The following SEMA3E variants were observed in gnomAD, a reference collection of about 807,000 sequenced individuals.
SEMA3E encodes semaphorin-3E.
A neutral mutation model predicts 93.6 loss-of-function variants in SEMA3E; 49 were observed. The ratio of observed to expected loss-of-function variants is 0.52; its 90% CI spans 0.42 to 0.66. The LOEUF (loss-of-function observed/expected upper bound fraction) is 0.66, where lower values mean the gene tolerates loss of function less well. Among genes scored for constraint, SEMA3E ranks in the 30% least tolerant of loss-of-function variants. The pLI is 0.00. For missense variants in SEMA3E, 906 were observed against 964.8 expected (o/e 0.94, Z 0.81); for synonymous variants, 363 against 330.7 (o/e 1.10, Z -1.06).
chr7:83,542,562 G>T (rs1791558386), intron 1 of SEMA3E, among the ~76,000 whole-genome samples: 1 of 151,446 alleles, frequency 6.6e-6, no homozygotes, highest in Non-Finnish European at 1.5e-5. Flanking sequence ...TGCAGTATTT[G>T]AATAGTTGAC....
intron 1 of SEMA3E, among the ~76,000 whole-genome samples, chr7:83,584,411 T>C (rs192085598): frequency 1.4e-3 from 211 of 152,306 alleles, no homozygotes; most frequent in Non-Finnish European, 2.6e-3. Context: ...ATTTCCAAAT[T>C]AATGATTCAT....
chr7:83,609,494 T>C (rs1314272835), intron 1 of SEMA3E, among the ~76,000 whole-genome samples: 1 of 151,994 alleles, frequency 6.6e-6, no homozygotes, highest in Non-Finnish European at 1.5e-5. Context: ...TGAGATAGGC[T>C]CTTCCAAATA....
At chr7:83,623,505 T>C (rs1793607485) in intron 1 of SEMA3E, among the ~76,000 whole-genome samples, 1 of 152,126 alleles carries the variant, frequency 6.6e-6, no homozygotes, top group Non-Finnish European at 1.5e-5. Flanking sequence ...GTGAGATTCA[T>C]AAGTATACGT....
intron 1 of SEMA3E, among the ~76,000 whole-genome samples, chr7:83,539,866 T>TGTGTGTGC (rs1554336394): frequency 4.7e-5 from 7 of 148,800 alleles, no homozygotes; most frequent in East Asian, 4.0e-4. Flanking sequence ...TGTGTGTGTG[T>TGTGTGTGC]GTGTGTGTGT....
At chr7:83,466,974 T>C (rs1789775806) in intron 3 of SEMA3E, among the ~76,000 whole-genome samples, 1 of 151,792 alleles carries the variant, frequency 6.6e-6, no homozygotes, top group Non-Finnish European at 1.5e-5. Context: ...GTTTTTTAAG[T>C]ACAGTATAAA....
At chr7:83,450,665 T>C (rs1038096208) in intron 4 of SEMA3E, among the ~76,000 whole-genome samples, 1 of 152,106 alleles carries the variant, frequency 6.6e-6, no homozygotes, top group Admixed American at 6.6e-5. Context: ...AGATGCTGCT[T>C]AAATTGATGT....
chr7:83,582,237 T>A (rs1003140496), intron 1 of SEMA3E, among the ~76,000 whole-genome samples: 1 of 150,550 alleles, frequency 6.6e-6, no homozygotes, highest in African/African-American at 2.4e-5. Flanking sequence ...TAAAAATAAA[T>A]AGTAATATAT....
chr7:83,507,303 A>G (rs1423978478), intron 1 of SEMA3E, among the ~76,000 whole-genome samples: 2 of 152,124 alleles, frequency 1.3e-5, no homozygotes, highest in Non-Finnish European at 2.9e-5. Flanking sequence ...AGCCTCCACC[A>G]CTGGAAGGGA....
intron 1 of SEMA3E, among the ~76,000 whole-genome samples, chr7:83,575,990 G>T (rs1792394203): frequency 6.6e-6 from 1 of 152,102 alleles, no homozygotes; most frequent in African/African-American, 2.4e-5. Context: ...ACGATGTATT[G>T]TTACATTAGT....
At chr7:83,608,388 G>A (rs920848029) in intron 1 of SEMA3E, among the ~76,000 whole-genome samples, 2 of 151,856 alleles carry the variant, frequency 1.3e-5, no homozygotes, top group African/African-American at 2.4e-5. Context: ...AGCCTTAATA[G>A]GAATTTTTTA....
At chr7:83,571,931 C>T (rs1792295531) in intron 1 of SEMA3E, among the ~76,000 whole-genome samples, 1 of 152,040 alleles carries the variant, frequency 6.6e-6, no homozygotes, top group Non-Finnish European at 1.5e-5. Context: ...GCACCAAAAA[C>T]ATTCTAGATG....
intron 4 of SEMA3E, among the ~76,000 whole-genome samples, chr7:83,450,644 T>C (rs1279406190): frequency 6.6e-6 from 1 of 152,166 alleles, no homozygotes; most frequent in Admixed American, 6.5e-5. Flanking sequence ...TGGTGTTCTA[T>C]TTATTGATCT....
intron 2 of SEMA3E, among the ~76,000 whole-genome samples, chr7:83,469,950 T>A (rs1377716600): frequency 6.6e-6 from 1 of 151,982 alleles, no homozygotes; most frequent in African/African-American, 2.4e-5. Context: ...CCCACCCAGC[T>A]AATTTTTTTG....
At chr7:83,401,052 C>T (rs906991052) in intron 10 of SEMA3E, among the ~76,000 whole-genome samples, 14 of 152,102 alleles carry the variant, frequency 9.2e-5, no homozygotes, top group African/African-American at 3.4e-4. Context: ...GGCAAAAAGA[C>T]ACTCTCTGTT....
In SEMA3E at chr7:83,412,016, C is replaced by G. The variant is rs576393044; in HGVS notation, c.551-3529G>C. On this transcript the variant is annotated intron_variant, in intron 5 of 16. Coordinates refer to ENST00000643230, the MANE Select transcript of SEMA3E (RefSeq NM_012431.3). ...TCTAGCTCAAAATCTGCTGTTTGAC[C>G]ACCACAAACTGCTCAAAATCTCAAG... Among the ~76,000 whole-genome samples, 9 of 152,176 alleles carry G rather than the reference C, an allele frequency of 5.9e-5. No individual in the cohort carries two copies. The East Asian group carries it at 1.7e-3, about 29-fold the overall frequency.
At chr7:83,539,860 T>TGTGTGTGTGTGC (rs1450547766) in intron 1 of SEMA3E, among the ~76,000 whole-genome samples, 1 of 131,990 alleles carries the variant, frequency 7.6e-6, no homozygotes, top group African/African-American at 2.7e-5. Flanking sequence ...TGTTTCTGTG[T>TGTGTGTGTGTGC]GTGTGTGTGT....
At chr7:83,593,221 CCTCT>C (rs1036834220) in intron 1 of SEMA3E, among the ~76,000 whole-genome samples, 15 of 146,954 alleles carry the variant, frequency 1.0e-4, no homozygotes, top group East Asian at 2.0e-4. Flanking sequence ...ATCTCTGAAA[CCTCT>C]CTCTCTCTCT....
intron 1 of SEMA3E, among the ~76,000 whole-genome samples, chr7:83,618,078 G>C (rs1348892065): frequency 6.6e-6 from 1 of 152,104 alleles, no homozygotes; most frequent in Non-Finnish European, 1.5e-5. Context: ...GATGACAGAA[G>C]AGATGGCACC....
chr7:83,642,629 GCCTCC>G (rs1307712426), intron 1 of SEMA3E, among the ~76,000 whole-genome samples: 12 of 151,824 alleles, frequency 7.9e-5, no homozygotes, highest in African/African-American at 2.7e-4. Context: ...TTTCTCTTAT[GCCTCC>G]AATGTTATTT....
Sources: allele counts gnomAD v4.1 joint callset (sites outside exome capture counted in the v4.1 genomes callset), GRCh38; gene constraint gnomAD v4.1.1; transcripts MANE v1.5; gene names NCBI Gene and HGNC (gene_info 2026-07-23, HGNC 2026-07-21).